JAG2: variants seen among roughly 807,000 people sequenced by gnomAD.
JAG2 encodes the protein jagged canonical Notch ligand 2.
A neutral mutation model predicts 141.7 loss-of-function variants in JAG2; 46 were observed. That is an observed-to-expected ratio of 0.32 (90% CI 0.26 to 0.42). JAG2 has a LOEUF of 0.42. Ranked by LOEUF, JAG2 falls within the 10% of genes least tolerant of loss-of-function variation. The pLI, the probability that JAG2 is intolerant of heterozygous loss-of-function variation, is 1.00. For synonymous variants in JAG2, 862 were observed against 763.5 expected (o/e 1.13, Z -2.13); for missense variants, 1,500 against 1,817.5 (o/e 0.83, Z 3.18).
In JAG2 at chr14:105,154,686, C is replaced by T. The variant is rs1310777418; in HGVS notation, c.788+876G>A. The stretch of plus-strand genomic sequence containing the variant: ...TCTGCCTTCCCCACTTTCCCGTCAC[C>T]GCCTGAATGCCACCCCCCACAGGCC... On this transcript the variant is annotated intron_variant, in intron 5 of 25. Coordinates refer to ENST00000331782, the MANE Select transcript of JAG2 (RefSeq NM_002226.5). This position sits in a 1 kb window ranked among gnomAD's most constrained non-coding sequence, Gnocchi z 4.4. Among the ~76,000 whole-genome samples, 2 of 152,114 alleles carry T rather than the reference C, an allele frequency of 1.3e-5. No individual in the cohort carries two copies. Among genetic ancestry groups the T allele is most frequent in the Non-Finnish European group, 1.5e-5 (1 of 68,008 alleles).
chr14:105,153,192 T>C (rs1888486665), intron 5 of JAG2, among the ~76,000 whole-genome samples: 1 of 152,066 alleles, frequency 6.6e-6, no homozygotes, highest in African/African-American at 2.4e-5. Context: ...TTTATTTTTG[T>C]AAAAGGAAAG....
Position 105,147,825 on chromosome 14 carries a change from G to C in JAG2, c.2312C>G (p.Ala771Gly). Residue 771 changes from alanine (A) to glycine (G), a missense_variant, in exon 18 of 26, where the codon GCC becomes GGC. By Grantham distance (60) the Ala-to-Gly change is moderately conservative. This residue lies in a region of JAG2 where 875 missense variants were observed against 1,202.2 expected (regional missense o/e 0.73). Coordinates refer to ENST00000331782, the MANE Select transcript of JAG2 (RefSeq NM_002226.5). The part of the protein sequence containing the change: ...VNGGTCVGSG[A>G]SFSCICRDGW... ...GTCCCGGCAGATGCAGGAGAAGGAG[G>C]CCCCGCTGCCCACGCAGGTGCCACC... 1 of 1,550,216 alleles carries C rather than the reference G, an allele frequency of 6.5e-7. No homozygotes were observed. Among genetic ancestry groups the C allele is most frequent in the Non-Finnish European group, 8.7e-7 (1 of 1,147,798 alleles).
In JAG2 at chr14:105,149,034, G is replaced by A. The variant is rs751250550; in HGVS notation, c.1809C>T (p.Ser603=). Residue 603 remains serine, a synonymous_variant, in exon 14 of 26, where the codon TCC becomes TCT. Coordinates refer to ENST00000331782, the MANE Select transcript of JAG2 (RefSeq NM_002226.5). ...AGCGTCCATGGGGGCCACACACGCC[G>A]GAGGCTGCTGTGCCAGGCATCCCAG... ...AGPGMPGTAA[S]GVCGPHGRCV... is the part of the protein sequence containing the mutation. 1.7e-5 allele frequency: 27 copies of A among 1,607,120 alleles called. No individual in the cohort carries two copies. Among genetic ancestry groups the A allele is most frequent in the Middle Eastern group, 1.7e-4 (1 of 6,020 alleles).
chr14:105,151,814 A>C, intron 7 of JAG2, 75 bp from the exon 8 acceptor site: 1 of 1,599,806 alleles, frequency 6.3e-7, no homozygotes, highest in Non-Finnish European at 8.6e-7. Flanking sequence ...CCCCAAGCCC[A>C]CAGGTTCCCA....
chr14:105,142,709 C>T lies in JAG2; in HGVS notation c.3703G>A (p.Ala1235Thr), dbSNP rs199682063. Reference sequence around the variant, plus strand: ...GGCAGCCGCCCCTACTCCTTGCCGGCGTAGCGGGCCTCATTGATGCTCCTG... The same window carrying T: ...GGCAGCCGCCCCTACTCCTTGCCGGTGTAGCGGGCCTCATTGATGCTCCTG... Reference protein sequence around the residue: ...AVRSINEARYAGKE With the variant: ...AVRSINEARYTGKE Residue 1235 changes from alanine to threonine, a missense_variant, in exon 26 of 26, where the codon GCC (alanine) becomes ACC (threonine). Coordinates refer to ENST00000331782, the MANE Select transcript of JAG2 (RefSeq NM_002226.5). 828 of 1,601,026 alleles carry T rather than the reference C, an allele frequency of 5.2e-4. 6 individuals carry two copies. The African/African-American group carries it at 9.2e-3, about 18-fold the overall frequency.
intron 2 of JAG2, among the ~76,000 whole-genome samples, chr14:105,163,161 G>A (rs1888808529): frequency 6.6e-6 from 1 of 152,230 alleles, no homozygotes; most frequent in Non-Finnish European, 1.5e-5. Context: ...GCTTGGTGCA[G>A]GCGCCAGGAG....
At position 105,152,157 on chromosome 14, in the gene JAG2, C is replaced by T; in HGVS notation, c.919+4G>A. ...GCATTAGGCCTGCCGCCCCCTACCA[C>T]TACCTTTGTCACAGAGCAGGCCGCC... On this transcript the variant is annotated splice_donor_region_variant and intron_variant, in intron 6 of 25. Coordinates refer to ENST00000331782, the MANE Select transcript of JAG2 (RefSeq NM_002226.5). 1.2e-6 allele frequency: 2 copies of T among 1,613,760 alleles called. No individual in the cohort carries two copies. The highest frequency in any genetic ancestry group is 2.2e-5 in the East Asian group (1 of 44,888).
At chr14:105,164,029 T>G (rs587610658) in intron 2 of JAG2, among the ~76,000 whole-genome samples, 8 of 152,140 alleles carry the variant, frequency 5.3e-5, no homozygotes, top group Non-Finnish European at 1.0e-4. Context: ...AAAGACACCA[T>G]GGAGCAGCCC....
chr14:105,152,147 C>A lies in JAG2; in HGVS notation c.919+14G>T, dbSNP rs780460545. ...CGATGGCAGAGCATTAGGCCTGCCG[C>A]CCCCTACCACTACCTTTGTCACAGA... On this transcript the variant is annotated intron_variant, in intron 6 of 25. Transcript: ENST00000331782. 4.3e-6 allele frequency: 7 copies of A among 1,613,684 alleles called. No individual in the cohort carries two copies. Among genetic ancestry groups the A allele is most frequent in the Middle Eastern group, 1.7e-4 (1 of 6,060 alleles).
chr14:105,153,416 G>A (rs989169476), intron 5 of JAG2, among the ~76,000 whole-genome samples: 1 of 152,216 alleles, frequency 6.6e-6, no homozygotes, highest in Non-Finnish European at 1.5e-5. Flanking sequence ...GGGCGGGGCT[G>A]TGACACACCT....
chr14:105,155,503 C>T, intron 5 of JAG2, 59 bp downstream of exon 5: 1 of 1,579,382 alleles, frequency 6.3e-7, no homozygotes, highest in African/African-American at 1.3e-5. Context: ...GCTGTGTGTG[C>T]CAGTGAGGAC....
At chr14:105,155,262 T>C (rs587658328) in intron 5 of JAG2, among the ~76,000 whole-genome samples, 1 of 151,932 alleles carries the variant, frequency 6.6e-6, no homozygotes, top group Non-Finnish European at 1.5e-5. Context: ...CCTCTGCCCA[T>C]GCCCCATCTC....
intron 5 of JAG2, among the ~76,000 whole-genome samples, chr14:105,152,678 G>A (rs369960996): frequency 1.5e-4 from 23 of 152,172 alleles, no homozygotes; most frequent in East Asian, 1.9e-4. Context: ...GTAGGCCAGC[G>A]GGCAGCAGGG....
intron 2 of JAG2, among the ~76,000 whole-genome samples, chr14:105,165,855 C>T (rs1219506313): frequency 3.3e-5 from 5 of 152,262 alleles, no homozygotes; most frequent in African/African-American, 9.6e-5. Context: ...TGAACTCGGT[C>T]CTTGCCTTCC....
chr14:105,163,240 C>T lies in JAG2; in HGVS notation c.417+4517G>A, dbSNP rs587641683. Among the ~76,000 whole-genome samples, 15 of 152,344 alleles carry T rather than the reference C, an allele frequency of 9.8e-5. 1 individual carries two copies. The highest frequency in any genetic ancestry group is 6.5e-4 in the Admixed American group (10 of 15,306). Reference sequence around the variant, plus strand: ...GCCCAGGCCTCTGCCACCATTGTCACCCGAGGCAGGGAAGAAGGGGTGGGG... The same window carrying T: ...GCCCAGGCCTCTGCCACCATTGTCATCCGAGGCAGGGAAGAAGGGGTGGGG... On this transcript the variant is annotated intron_variant, in intron 2 of 25. Transcript: ENST00000331782.
rs587617064 is a variant in JAG2, at chr14:105,151,296, G to A, written c.1254C>T (p.Ala418=). 2.5e-6 allele frequency: 4 copies of A among 1,612,158 alleles called. No individual in the cohort carries two copies. Among genetic ancestry groups the A allele is most frequent in the Admixed American group, 1.7e-5 (1 of 59,948 alleles). Reference sequence around the variant, plus strand: ...CGGAGCCCTTACCCAGCTGGCAGGTGGCCCCCACCCACTGCTCGGGGCAGA... The same window carrying A: ...CGGAGCCCTTACCCAGCTGGCAGGTAGCCCCCACCCACTGCTCGGGGCAGA... ...ECICPEQWVG[A]TCQLDANECE... is the part of the protein sequence containing the mutation. The change falls in exon 9 of 26, where the codon GCC becomes GCT. Residue 418 remains alanine (A), a synonymous_variant. Coordinates refer to ENST00000331782, the MANE Select transcript of JAG2 (RefSeq NM_002226.5).
chr14:105,166,578 G>A (rs960839603), intron 2 of JAG2, among the ~76,000 whole-genome samples: 2 of 152,232 alleles, frequency 1.3e-5, no homozygotes, highest in African/African-American at 4.8e-5. Context: ...ACTGTGGCCA[G>A]CTTCCACGGG....
Position 105,146,514 on chromosome 14 carries a change from G to C in JAG2, c.2594-14C>G, listed in dbSNP as rs1198551607. 1 of 1,611,228 alleles carries C rather than the reference G, an allele frequency of 6.2e-7. No individual in the cohort carries two copies. Among genetic ancestry groups the C allele is most frequent in the East Asian group, 2.2e-5 (1 of 44,856 alleles). On this transcript the variant is annotated splice_polypyrimidine_tract_variant and intron_variant, in intron 21 of 25. Transcript: ENST00000331782. The stretch of plus-strand genomic sequence containing the variant: ...CGAACCCGATCACTGTGGGGAGAAG[G>C]GGCTCGAGGGTCAGCAGTGGGCATC...
At chr14:105,146,989 G>C in intron 20 of JAG2, 1 of 617,594 alleles carries the variant, frequency 1.6e-6, no homozygotes, top group Non-Finnish European at 2.9e-6. Context: ...CGTCGGACCA[G>C]CCAAGGGGTG....
Sources: gnomAD v4.1 joint callset for allele counts (sites outside exome capture counted in the v4.1 genomes callset) on GRCh38, gnomAD v4.1.1 for gene constraint, gnomAD v4.1.1 regional missense constraint, Gnocchi (gnomAD v3.1) non-coding constraint, MANE v1.5 for transcripts, NCBI Gene and HGNC (gene_info 2026-07-23, HGNC 2026-07-21) for gene names.